TNPO2: variants seen among roughly 807,000 people sequenced by gnomAD.
The protein encoded by TNPO2 is transportin 2.
In TNPO2, 16 loss-of-function variants were observed where a neutral mutation model predicts 111.1. The observed-to-expected ratio is 0.14, with a 90% CI of 0.10 to 0.22. The LOEUF (loss-of-function observed/expected upper bound fraction) is 0.22. TNPO2 is among the 10% of genes least tolerant of loss of function. The probability of loss-of-function intolerance (pLI) is 1.00; values close to 1 mark genes in which losing one functional copy is unlikely to be tolerated. For missense variants in TNPO2, 530 were observed against 1,173.7 expected (o/e 0.45, Z 8.01); for synonymous variants, 481 against 475.8 (o/e 1.01, Z -0.14).
rs2025398501 is a variant in TNPO2 at position 12,702,768 on chromosome 19, C to A, written c.2305+55G>T. The A allele has an allele frequency of 1.3e-6, 2 of 1,539,356 alleles. No individual in the cohort carries two copies. Among genetic ancestry groups the A allele is most frequent in the African/African-American group, 2.7e-5 (2 of 72,986 alleles). The stretch of plus-strand genomic sequence containing the variant: ...TTCTGATGCCCTTCCCAGCCCAGAA[C>A]CCCACCTCCAGAAGGCAGGCAGGGG... On this transcript the variant is annotated intron_variant, in intron 21 of 25. Transcript: ENST00000425528. This position sits in a 1 kb window ranked among gnomAD's most constrained non-coding sequence, Gnocchi z 5.5.
rs1375075133 is a variant in TNPO2 at position 12,706,748 on chromosome 19, G to A, written c.1318C>T (p.Leu440=). 1.9e-6 allele frequency: 3 copies of A among 1,613,348 alleles called. No individual in the cohort carries two copies. Among genetic ancestry groups the A allele is most frequent in the East Asian group, 2.2e-5 (1 of 44,870 alleles). The change falls in exon 14 of 26, where the codon CTG becomes TTG. Residue 440 remains leucine, a synonymous_variant. Transcript: ENST00000425528. The surrounding 1 kb of genome is among the most constrained non-coding windows in gnomAD (Gnocchi z 7.0). ...TTCTTATCCGACAGGCACTGGATCA[G>A]GTGCGGGATCAGCTCAGGCAGGTAG... is the stretch of plus-strand genomic sequence containing the variant. The part of the protein sequence containing the change: ...VPYLPELIPH[L]IQCLSDKKAL...
At chr19:12,711,725 T>G (rs1300730905) in intron 10 of TNPO2, 112 bp from the exon 11 acceptor site, 1 of 849,218 alleles carries the variant, frequency 1.2e-6, no homozygotes, top group African/African-American at 1.7e-5. Flanking sequence ...AGCCCCCCAA[T>G]CAGCCACAGA....
rs116668794 is a variant in TNPO2 at position 12,702,311 on chromosome 19, C to G, written c.2306-134G>C. 3 of 720,790 alleles carry G rather than the reference C, an allele frequency of 4.2e-6. No homozygotes were observed. In the East Asian group the frequency reaches 8.0e-5, roughly 19 times the overall value. 44.6% of individuals were successfully genotyped at this position (720,790 alleles called of 1,614,324 possible). A position where few individuals can be genotyped will look rare whatever the true frequency, so the allele number is the denominator to read the frequency against. On this transcript the variant is annotated intron_variant, in intron 21 of 25. Transcript: ENST00000425528. This position sits in a 1 kb window ranked among gnomAD's most constrained non-coding sequence, Gnocchi z 5.5. ...CCCCAAGCTTGGCCCAGCCAGGGGT[C>G]CTCCTCATCACACCTGAGTCACTTC...
chr19:12,710,011 G>T (rs2025949572), intron 13 of TNPO2, among the ~76,000 whole-genome samples: 1 of 152,086 alleles, frequency 6.6e-6, no homozygotes, highest in Non-Finnish European at 1.5e-5. Context: ...TGAGGCAATG[G>T]TATATGATGC....
intron 19 of TNPO2, 61 bp downstream of exon 19, chr19:12,703,653 G>A (rs2145463887): frequency 1.9e-6 from 3 of 1,583,836 alleles, no homozygotes; most frequent in East Asian, 2.2e-5. Context: ...CCCGGGTATT[G>A]CTCTCCATCA....
rs1409365193 is a variant in TNPO2, at chr19:12,701,953, TGTGGGG to T, written c.2412-108_2412-103del. 7.2e-7 allele frequency: 1 copy of T among 1,391,116 alleles called. No individual in the cohort carries two copies. The highest frequency in any genetic ancestry group is 1.4e-5 in the African/African-American group (1 of 70,380). 86.2% of individuals were successfully genotyped at this position (1,391,116 alleles called of 1,614,324 possible). A position where few individuals can be genotyped will look rare whatever the true frequency, so the allele number is the denominator to read the frequency against. On this transcript the variant is annotated intron_variant, in intron 22 of 25. Coordinates refer to ENST00000425528, the MANE Select transcript of TNPO2 (RefSeq NM_001382241.1). This position sits in a 1 kb window ranked among gnomAD's most constrained non-coding sequence, Gnocchi z 5.0. ...AGTGAGTGGGCCTGGGACATGCATC[TGTGGGG>T]GTGGGGCAGGGCAGGGAGTCAGTAG... is the stretch of plus-strand genomic sequence containing the variant.
Position 12,705,462 on chromosome 19 carries a change from A to C in TNPO2, c.1863+30T>G. Reference sequence around the variant, plus strand: ...CAGGCCCGAGGCAGGCCAATGCAGAAGCACAGGTGACGGGCCTAGGGTTGC... The same window carrying C: ...CAGGCCCGAGGCAGGCCAATGCAGACGCACAGGTGACGGGCCTAGGGTTGC... On this transcript the variant is annotated intron_variant, in intron 17 of 25. Coordinates refer to ENST00000425528, the MANE Select transcript of TNPO2 (RefSeq NM_001382241.1). This position sits in a 1 kb window ranked among gnomAD's most constrained non-coding sequence, Gnocchi z 7.2. The C allele has an allele frequency of 1.9e-6, 3 of 1,578,516 alleles. No homozygotes were observed. The highest frequency in any genetic ancestry group is 8.6e-7 in the Non-Finnish European group (1 of 1,162,178).
In TNPO2 at chr19:12,702,392, T is replaced by G. The variant is rs61450873; in HGVS notation, c.2306-215A>C. 0.051 allele frequency: 34,874 copies of G among 684,968 alleles called. 5,858 individuals carry two copies. The highest frequency in any genetic ancestry group is 0.44 in the African/African-American group (24,954 of 56,290). 42.4% of individuals were successfully genotyped at this position (684,968 alleles called of 1,614,324 possible). On this transcript the variant is annotated intron_variant, in intron 21 of 25. Transcript: ENST00000425528. This position sits in a 1 kb window ranked among gnomAD's most constrained non-coding sequence, Gnocchi z 5.5. ...TTCCTTTCCCTTTCCTTTTTGTTTT[T>G]TTTTGTTTTGTTTTGTTTTTGAGAT...
intron 13 of TNPO2, 85 bp downstream of exon 13, chr19:12,710,536 G>A (rs961040472): frequency 6.8e-7 from 1 of 1,468,822 alleles, no homozygotes; most frequent in South Asian, 1.2e-5. Context: ...CCTCCAGGGA[G>A]AACTGAGGCA....
At position 12,705,215 on chromosome 19, in the gene TNPO2, A is replaced by T; in HGVS notation, c.2022+25T>A. 1 of 1,590,024 alleles carries T rather than the reference A, an allele frequency of 6.3e-7. No homozygotes were observed. Among genetic ancestry groups the T allele is most frequent in the Non-Finnish European group, 8.6e-7 (1 of 1,168,672 alleles). On this transcript the variant is annotated intron_variant, in intron 18 of 25. Transcript: ENST00000425528. The surrounding 1 kb of genome is among the most constrained non-coding windows in gnomAD (Gnocchi z 7.2). ...CAGCCCACGCAGGCTGCTGGGTGTC[A>T]TCACTGTCCAGGGTCCCCACCCACC...
chr19:12,706,010 C>T lies in TNPO2; in HGVS notation c.1668+186G>A. 1.4e-6 allele frequency: 1 copy of T among 723,000 alleles called. No individual in the cohort carries two copies. The allele number at this position is 723,000 out of a possible 1,614,324, so 44.8% of individuals were successfully genotyped here. ...CTGGTTCCCGAAGCACAGCACTTAC[C>T]ACGCTGTCTCATAACTGTCTTTCTC... is the stretch of plus-strand genomic sequence containing the variant. On this transcript the variant is annotated intron_variant, in intron 15 of 25. Coordinates refer to ENST00000425528, the MANE Select transcript of TNPO2 (RefSeq NM_001382241.1). The surrounding 1 kb of genome is among the most constrained non-coding windows in gnomAD (Gnocchi z 7.0).
intron 13 of TNPO2, among the ~76,000 whole-genome samples, chr19:12,709,232 T>G (rs1308829106): frequency 1.4e-5 from 2 of 147,926 alleles, no homozygotes; most frequent in African/African-American, 5.0e-5. Flanking sequence ...CGTGGTGGCA[T>G]GCACCTGTAG....
At chr19:12,720,155 T>G (rs1197805225) in intron 3 of TNPO2, among the ~76,000 whole-genome samples, 12 of 152,078 alleles carry the variant, frequency 7.9e-5, no homozygotes. Flanking sequence ...TAGCTGAGAT[T>G]ACAGGCTTCT....
At chr19:12,710,814 T>C (rs2145543290) in intron 12 of TNPO2, 41 bp from the exon 13 acceptor site, 1 of 1,565,318 alleles carries the variant, frequency 6.4e-7, no homozygotes, top group South Asian at 1.2e-5. Flanking sequence ...GGGCGGCCCC[T>C]CAGGCAGGTG....
intron 5 of TNPO2, among the ~76,000 whole-genome samples, chr19:12,716,606 G>A (rs532994037): frequency 5.3e-5 from 8 of 151,990 alleles, no homozygotes; most frequent in Non-Finnish European, 7.4e-5. Flanking sequence ...AGCCTGGGAT[G>A]GAGCAAGACT....
Position 12,705,212 on chromosome 19 carries a change from G to GGGT in TNPO2, c.2022+27_2022+28insACC. The GGGT allele has an allele frequency of 6.3e-7, 1 of 1,587,982 alleles. No homozygotes were observed. The highest frequency in any genetic ancestry group is 8.6e-7 in the Non-Finnish European group (1 of 1,167,676). The stretch of plus-strand genomic sequence containing the variant: ...GGGCAGCCCACGCAGGCTGCTGGGT[G>GGGT]TCATCACTGTCCAGGGTCCCCACCC... On this transcript the variant is annotated intron_variant, in intron 18 of 25. Transcript: ENST00000425528. The surrounding 1 kb of genome is among the most constrained non-coding windows in gnomAD (Gnocchi z 7.2).
intron 20 of TNPO2, among the ~76,000 whole-genome samples, 179 bp downstream of exon 20, chr19:12,703,249 G>A (rs1241746986): frequency 6.6e-6 from 1 of 152,156 alleles, no homozygotes; most frequent in East Asian, 1.9e-4. Flanking sequence ...AATCAGAACA[G>A]CCCTCCTATC....
chr19:12,709,226 G>C (rs1049263530), intron 13 of TNPO2, among the ~76,000 whole-genome samples: 1 of 151,380 alleles, frequency 6.6e-6, no homozygotes, highest in Non-Finnish European at 1.5e-5. Flanking sequence ...GCTGGGCGTG[G>C]TGGCATGCAC....
Position 12,705,812 on chromosome 19 carries a change from C to T in TNPO2, c.1669-44G>A, listed in dbSNP as rs911340709. 1 of 1,348,286 alleles carries T rather than the reference C, an allele frequency of 7.4e-7. No homozygotes were observed. Among genetic ancestry groups the T allele is most frequent in the Non-Finnish European group, 9.9e-7 (1 of 1,005,716 alleles). 83.5% of individuals were successfully genotyped at this position (1,348,286 alleles called of 1,614,324 possible). A position where few individuals can be genotyped will look rare whatever the true frequency, so the allele number is the denominator to read the frequency against. On this transcript the variant is annotated intron_variant, in intron 15 of 25. Coordinates refer to ENST00000425528, the MANE Select transcript of TNPO2 (RefSeq NM_001382241.1). This position sits in a 1 kb window ranked among gnomAD's most constrained non-coding sequence, Gnocchi z 7.2. ...ATGGGCGCTCCCTGGGTCGGGGTGG[C>T]AGACTGTGACTCAGGTACCTGTTGC...
Sources: allele counts gnomAD v4.1 joint callset (sites outside exome capture counted in the v4.1 genomes callset), GRCh38; gene constraint gnomAD v4.1.1; non-coding constraint Gnocchi (gnomAD v3.1); transcripts MANE v1.5; gene names NCBI Gene and HGNC (gene_info 2026-07-23, HGNC 2026-07-21).